The following INPP5A variants were observed in gnomAD, a reference collection of about 807,000 sequenced individuals.
INPP5A encodes the protein inositol polyphosphate-5-phosphatase A, also known as 43 kDa inositol polyphosphate 5-phophatase.
Under a neutral mutation model 65.2 loss-of-function variants are expected in INPP5A, and 14 were observed. That is an observed-to-expected ratio of 0.21 (90% CI 0.14 to 0.34). The LOEUF is 0.34. Among genes scored for constraint, INPP5A ranks in the 10% least tolerant of loss-of-function variants. The probability of loss-of-function intolerance (pLI) is 1.00; values close to 1 mark genes in which losing one functional copy is unlikely to be tolerated. For missense variants in INPP5A, 431 were observed against 545.6 expected (o/e 0.79, Z 2.09); for synonymous variants, 207 against 208.3 (o/e 0.99, Z 0.05).
At chr10:132,624,594 T>G (rs2072155699) in intron 2 of INPP5A, among the ~76,000 whole-genome samples, 1 of 152,254 alleles carries the variant, frequency 6.6e-6, no homozygotes. Context: ...TCCTGTCTTC[T>G]GTGCGGTTCC....
At position 132,539,503 on chromosome 10, in the gene INPP5A, G is replaced by A. The variant is rs80002584; in HGVS notation, c.75+1332G>A. Among the ~76,000 whole-genome samples, 174 of 152,286 alleles carry A rather than the reference G, an allele frequency of 1.1e-3. 2 individuals carry two copies. In the East Asian group the frequency reaches 0.027, roughly 23 times the overall value. On this transcript the variant is annotated intron_variant, in intron 1 of 15. Transcript: ENST00000368594. ...GGATCCCAGGGTGCCCCCATCTCTG[G>A]AGAGACCAGGGAGCTGAGGCCCAGG... is the stretch of plus-strand genomic sequence containing the variant.
At chr10:132,744,330 G>A (rs1003594311) in intron 9 of INPP5A, among the ~76,000 whole-genome samples, 1 of 152,188 alleles carries the variant, frequency 6.6e-6, no homozygotes, top group Non-Finnish European at 1.5e-5. Flanking sequence ...CCACCCACAG[G>A]CCTCCCAGGA....
intron 14 of INPP5A, among the ~76,000 whole-genome samples, chr10:132,781,312 G>A (rs73387039): frequency 6.6e-6 from 1 of 152,218 alleles, no homozygotes; most frequent in African/African-American, 2.4e-5. Context: ...AGGAGCCGGG[G>A]TGAGGGCGCT....
intron 2 of INPP5A, among the ~76,000 whole-genome samples, chr10:132,611,572 G>A (rs1179974992): frequency 1.5e-5 from 2 of 132,820 alleles, no homozygotes; most frequent in Admixed American, 7.4e-5. Flanking sequence ...GGGAAGGGGA[G>A]AGGCCCTGTC....
intron 2 of INPP5A, among the ~76,000 whole-genome samples, chr10:132,620,559 C>T (rs772145983): frequency 6.6e-5 from 10 of 152,162 alleles, no homozygotes; most frequent in Non-Finnish European, 1.3e-4. Context: ...AAACAGAATG[C>T]AGCCAAGTTC....
chr10:132,704,857 G>A lies in INPP5A; in HGVS notation c.475-3456G>A, dbSNP rs953000821. ...GGAGTGTGGAGGATGGAGGAAGGGC[G>A]TCTGGACAGGCAGCAGGCAGCTCCT... is the stretch of plus-strand genomic sequence containing the variant. On this transcript the variant is annotated intron_variant, in intron 6 of 15. Transcript: ENST00000368594. The surrounding 1 kb of genome is among the most constrained non-coding windows in gnomAD (Gnocchi z 4.5). Among the ~76,000 whole-genome samples the A allele has an allele frequency of 2.7e-5, 4 of 149,004 alleles. No individual in the cohort carries two copies. Among genetic ancestry groups the A allele is most frequent in the African/African-American group, 2.5e-5 (1 of 40,370 alleles).
In INPP5A at chr10:132,550,349, G is replaced by T. The variant is rs1011143838; in HGVS notation, c.75+12178G>T. On this transcript the variant is annotated intron_variant, in intron 1 of 15. Coordinates refer to ENST00000368594, the MANE Select transcript of INPP5A (RefSeq NM_005539.5). This position sits in a 1 kb window ranked among gnomAD's most constrained non-coding sequence, Gnocchi z 4.2. ...GTAGTCCCTGTCCTCTCCAGCGACC[G>T]CTCTCTCCTGGGTGTCAGTGGTTTT... 6.6e-6 allele frequency among the ~76,000 whole-genome samples: 1 copy of T among 152,172 alleles called. No homozygotes were observed. The highest frequency in any genetic ancestry group is 2.1e-4 in the South Asian group (1 of 4,834).
intron 12 of INPP5A, among the ~76,000 whole-genome samples, chr10:132,766,945 G>T (rs1458620354): frequency 6.7e-6 from 1 of 148,464 alleles, no homozygotes; most frequent in African/African-American, 2.5e-5. Context: ...CGGCCTCAGG[G>T]AGCTTGGGTG....
chr10:132,625,840 C>CTG (rs139839964), intron 2 of INPP5A, among the ~76,000 whole-genome samples: 1,919 of 146,652 alleles, frequency 0.013, 17 homozygotes, highest in African/African-American at 0.015. Flanking sequence ...GGCAGGACTT[C>CTG]TGTGTGTGTG....
At chr10:132,732,705 G>A (rs537412140) in intron 9 of INPP5A, among the ~76,000 whole-genome samples, 78 of 152,304 alleles carry the variant, frequency 5.1e-4, no homozygotes, top group South Asian at 3.1e-3. Flanking sequence ...GAGGCCCAGG[G>A]CAGGGGCGGT....
chr10:132,654,251 C>T (rs1026826256), intron 4 of INPP5A, among the ~76,000 whole-genome samples: 5 of 152,262 alleles, frequency 3.3e-5, no homozygotes, highest in Non-Finnish European at 5.9e-5. Flanking sequence ...CCCCGGCTTC[C>T]CTGCCTGGGC....
chr10:132,778,525 T>G (rs1847102765), intron 13 of INPP5A, among the ~76,000 whole-genome samples: 1 of 152,120 alleles, frequency 6.6e-6, no homozygotes, highest in Non-Finnish European at 1.5e-5. Flanking sequence ...AGAATCAATA[T>G]CTGAATTGGT....
At chr10:132,710,195 G>C in intron 7 of INPP5A, 142 bp from the exon 8 acceptor site, 1 of 838,920 alleles carries the variant, frequency 1.2e-6, no homozygotes, top group East Asian at 2.7e-5. Flanking sequence ...AGACAGGTGG[G>C]TGGACAGGTG....
At chr10:132,634,850 C>T (rs987151286) in intron 2 of INPP5A, among the ~76,000 whole-genome samples, 1 of 152,276 alleles carries the variant, frequency 6.6e-6, no homozygotes, top group African/African-American at 2.4e-5. Context: ...GCAGCCCTCC[C>T]AGGCTCATGG....
In INPP5A at chr10:132,744,977, C is replaced by T. The variant is rs3793675; in HGVS notation, c.733-4540C>T. Among the ~76,000 whole-genome samples, 345 of 152,250 alleles carry T rather than the reference C, an allele frequency of 2.3e-3. 12 individuals are homozygous for T. The East Asian group carries it at 0.062, about 27-fold the overall frequency. ...CGGCGGTGCAGCCCCTGGCAGCTTG[C>T]GAGGCCCGGGCTGCCCGCCTCTCCC... On this transcript the variant is annotated intron_variant, in intron 9 of 15. Coordinates refer to ENST00000368594, the MANE Select transcript of INPP5A (RefSeq NM_005539.5).
In INPP5A at chr10:132,546,067, C is replaced by T. The variant is rs1400817143; in HGVS notation, c.75+7896C>T. ...GCACCGTTGTGTTGGGATGAGTGGC[C>T]GAGGCGTCTGGGGACGTCCTGGAGC... On this transcript the variant is annotated intron_variant, in intron 1 of 15. Coordinates refer to ENST00000368594, the MANE Select transcript of INPP5A (RefSeq NM_005539.5). The surrounding 1 kb of genome is among the most constrained non-coding windows in gnomAD (Gnocchi z 5.7). 1.3e-5 allele frequency among the ~76,000 whole-genome samples: 2 copies of T among 152,128 alleles called. No homozygotes were observed. The highest frequency in any genetic ancestry group is 6.5e-5 in the Admixed American group (1 of 15,280).
At chr10:132,638,095 C>G (rs774415948) in intron 2 of INPP5A, among the ~76,000 whole-genome samples, 1 of 152,162 alleles carries the variant, frequency 6.6e-6, no homozygotes, top group Non-Finnish European at 1.5e-5. Context: ...TTTGCTGGCG[C>G]TCTTTCTCTT....
intron 5 of INPP5A, among the ~76,000 whole-genome samples, chr10:132,693,026 G>A (rs1055827470): frequency 3.3e-5 from 5 of 152,336 alleles, no homozygotes; most frequent in African/African-American, 9.6e-5. Context: ...AGGACAGGAG[G>A]GAGGAATTTG....
rs144997892 is a variant in INPP5A at position 132,650,792 on chromosome 10, C to A, written c.306+287C>A. ...GGTGGGGAGAGGCCCAGGGCCTCAG[C>A]GTGCATGAAAATAAGAGGGAGTCCG... On this transcript the variant is annotated intron_variant, in intron 4 of 15. Coordinates refer to ENST00000368594, the MANE Select transcript of INPP5A (RefSeq NM_005539.5). The surrounding 1 kb of genome is among the most constrained non-coding windows in gnomAD (Gnocchi z 5.5). 4.6e-4 allele frequency among the ~76,000 whole-genome samples: 70 copies of A among 152,194 alleles called. 1 individual carries two copies. In the East Asian group the frequency reaches 0.013, roughly 27 times the overall value.
Sources: gnomAD v4.1 joint callset for allele counts (sites outside exome capture counted in the v4.1 genomes callset) on GRCh38, gnomAD v4.1.1 for gene constraint, Gnocchi (gnomAD v3.1) non-coding constraint, MANE v1.5 for transcripts, NCBI Gene and HGNC (gene_info 2026-07-23, HGNC 2026-07-21) for gene names.